The following GRM8 variants were observed in gnomAD, a reference collection of about 807,000 sequenced individuals.
GRM8 encodes glutamate metabotropic receptor 8, also known as metabotropic glutamate receptor 8.
GRM8 carries 47 observed loss-of-function variants against 87.2 expected under a neutral mutation model. The ratio of observed to expected loss-of-function variants is 0.54; its 90% CI spans 0.43 to 0.69. The LOEUF is 0.69. GRM8 is among the 30% of genes least tolerant of loss of function. GRM8 has a pLI of 0.00. For missense variants in GRM8, 1,019 were observed against 1,139.2 expected, an observed-to-expected ratio of 0.89 and a Z score of 1.52; for synonymous variants, 396 against 404.5, an observed-to-expected ratio of 0.98 and a Z score of 0.25.
intron 2 of GRM8, among the ~76,000 whole-genome samples, chr7:127,127,891 A>G (rs1030285897): frequency 3.3e-5 from 5 of 152,020 alleles, no homozygotes; most frequent in Admixed American, 6.6e-5. Flanking sequence ...ATCTTGGTAT[A>G]ATGTTTTCTT....
At chr7:126,932,238 C>T (rs78726731) in intron 3 of GRM8, among the ~76,000 whole-genome samples, 2,433 of 152,090 alleles carry the variant, frequency 0.016, 65 homozygotes, top group African/African-American at 0.055. Context: ...TTGTGGCATT[C>T]GGACATTTAT....
chr7:126,561,759 A>C, intron 8 of GRM8, among the ~76,000 whole-genome samples: 1 of 142,230 alleles, frequency 7.0e-6, no homozygotes, highest in African/African-American at 2.6e-5. Context: ...TATATCTCCT[A>C]ATGTTATCCC....
chr7:126,445,988 G>T, intron 10 of GRM8, 138 bp downstream of exon 10: 1 of 958,930 alleles, frequency 1.0e-6, no homozygotes. Context: ...TAAATGTGAT[G>T]GTGTCACGGT....
In GRM8 at chr7:126,533,377, T is replaced by C; in HGVS notation, c.2005A>G (p.Lys669Glu). 6.2e-7 allele frequency: 1 copy of C among 1,613,968 alleles called. No homozygotes were observed. Among genetic ancestry groups the C allele is most frequent in the Non-Finnish European group, 8.5e-7 (1 of 1,179,974 alleles). ...MCFSYAALLTKTNRIHRIFEQ... is the reference protein window; with the variant it reads ...MCFSYAALLTETNRIHRIFEQ... ...AATATTCGGTGGATACGGTTTGTTT[T>C]GGTCAGAAGGGCTGCATAGCTGAAA... is the stretch of plus-strand genomic sequence containing the variant. The change falls in exon 9 of 11, where the codon AAA becomes GAA. Residue 669 changes from lysine (K) to glutamate (E), a missense_variant. Physicochemically the swap from Lys to Glu is moderately conservative, Grantham distance 56. Transcript: ENST00000339582.
At chr7:126,572,467 C>T (rs1794767046) in intron 8 of GRM8, among the ~76,000 whole-genome samples, 2 of 152,166 alleles carry the variant, frequency 1.3e-5, no homozygotes, top group South Asian at 2.1e-4. Flanking sequence ...CTGGAGGATG[C>T]CAAGTTACCC....
intron 7 of GRM8, among the ~76,000 whole-genome samples, chr7:126,766,584 C>G (rs1214555980): frequency 1.3e-5 from 2 of 152,068 alleles, no homozygotes; most frequent in African/African-American, 4.8e-5. Flanking sequence ...ACTGTACAAA[C>G]TTGGCAGTTG....
At chr7:127,076,317 T>A in intron 3 of GRM8, 1 of 405,372 alleles carries the variant, frequency 2.5e-6, no homozygotes, top group South Asian at 1.8e-5. Context: ...CTATTTCTGT[T>A]CCATGTTCAG....
At chr7:126,704,491 TA>T (rs1254770223) in intron 7 of GRM8, among the ~76,000 whole-genome samples, 2 of 152,158 alleles carry the variant, frequency 1.3e-5, no homozygotes, top group African/African-American at 4.8e-5. Flanking sequence ...GTTCAGGGAA[TA>T]AAAGAGATAA....
intron 3 of GRM8, among the ~76,000 whole-genome samples, chr7:126,938,354 T>C (rs1415083820): frequency 6.6e-6 from 1 of 152,178 alleles, no homozygotes; most frequent in Non-Finnish European, 1.5e-5. Context: ...CTCCCTGAAA[T>C]GCCTTCCTAA....
intron 3 of GRM8, among the ~76,000 whole-genome samples, chr7:126,943,425 T>C (rs1807187488): frequency 1.3e-5 from 2 of 152,188 alleles, no homozygotes; most frequent in South Asian, 4.1e-4. Context: ...GAGACAGGTG[T>C]GGTAGGCACC....
At chr7:127,048,118 T>TA (rs1171034338) in intron 3 of GRM8, among the ~76,000 whole-genome samples, 1 of 152,146 alleles carries the variant, frequency 6.6e-6, no homozygotes, top group Non-Finnish European at 1.5e-5. Flanking sequence ...GAGCAAATAG[T>TA]AAGTGATGAA....
chr7:126,614,064 C>T (rs6961791), intron 7 of GRM8, among the ~76,000 whole-genome samples: 51,083 of 152,088 alleles, frequency 0.34, 9,020 homozygotes, highest in East Asian at 0.45. Flanking sequence ...GATCTGAGAA[C>T]GGACAGACTG....
At chr7:126,767,439 C>T (rs1181877261) in intron 7 of GRM8, among the ~76,000 whole-genome samples, 3 of 152,106 alleles carry the variant, frequency 2.0e-5, no homozygotes, top group Non-Finnish European at 4.4e-5. Context: ...TCGCATATGA[C>T]ACCTTTCTTT....
intron 3 of GRM8, among the ~76,000 whole-genome samples, chr7:126,942,248 A>G (rs1807036694): frequency 6.6e-6 from 1 of 152,240 alleles, no homozygotes; most frequent in Non-Finnish European, 1.5e-5. Flanking sequence ...AAACTGCCCG[A>G]TAATGAAATA....
intron 3 of GRM8, among the ~76,000 whole-genome samples, chr7:127,012,925 C>T (rs1165113798): frequency 6.6e-6 from 1 of 152,116 alleles, no homozygotes; most frequent in African/African-American, 2.4e-5. Context: ...CTACTGCAGC[C>T]TTCTTGCAGC....
chr7:127,133,385 A>G (rs542251024), intron 2 of GRM8, among the ~76,000 whole-genome samples: 1 of 151,318 alleles, frequency 6.6e-6, no homozygotes, highest in Admixed American at 6.6e-5. Flanking sequence ...GCCATTGCAC[A>G]CCAGCCTGGG....
intron 7 of GRM8, among the ~76,000 whole-genome samples, chr7:126,619,746 G>A (rs1315835007): frequency 3.9e-5 from 6 of 152,040 alleles, no homozygotes; most frequent in South Asian, 4.2e-4. Flanking sequence ...GCTGGAACTC[G>A]GTGGTGTCAT....
chr7:126,644,751 G>T (rs1021311877), intron 7 of GRM8, among the ~76,000 whole-genome samples: 2 of 152,106 alleles, frequency 1.3e-5, no homozygotes, highest in Admixed American at 6.5e-5. Flanking sequence ...CAAATAACTG[G>T]ATATTGTCTG....
At position 126,903,616 on chromosome 7, in the gene GRM8, C is replaced by T. The variant is rs1563300175; in HGVS notation, c.1018+356G>A. Among the ~76,000 whole-genome samples the T allele has an allele frequency of 1.2e-3, 159 of 133,498 alleles. 7 individuals are homozygous for T. The East Asian group carries it at 0.014, about 12-fold the overall frequency. The allele number at this position is 133,498 out of a possible 152,430, so 87.6% of individuals were successfully genotyped here. A position where few individuals can be genotyped will look rare whatever the true frequency, so the allele number is the denominator to read the frequency against. ...CACACACACACTATATACATATATA[C>T]ATATATATATGTATATGTGTATATA... On this transcript the variant is annotated intron_variant, in intron 5 of 10. Coordinates refer to ENST00000339582, the MANE Select transcript of GRM8 (RefSeq NM_000845.3).
Sources: allele counts gnomAD v4.1 joint callset (sites outside exome capture counted in the v4.1 genomes callset), GRCh38; gene constraint gnomAD v4.1.1; transcripts MANE v1.5; gene names NCBI Gene and HGNC (gene_info 2026-07-23, HGNC 2026-07-21).